SPIDR: variants seen among roughly 807,000 people sequenced by gnomAD.
The protein encoded by SPIDR is scaffold protein involved in DNA repair, also known as DNA repair-scaffolding protein.
Under a neutral mutation model 104.6 loss-of-function variants are expected in SPIDR, and 93 were observed. The ratio of observed to expected loss-of-function variants is 0.89; its 90% confidence interval spans 0.75 to 1.06. SPIDR has a LOEUF of 1.06. SPIDR is among the 50% of genes least tolerant of loss of function. The pLI is 0.00. For synonymous variants in SPIDR, 431 were observed against 416.9 expected (o/e 1.03, Z -0.41); for missense variants, 1,154 against 1,111.2 (o/e 1.04, Z -0.55).
chr8:47,545,133 T>TGTTG (rs1438538872), intron 8 of SPIDR, among the ~76,000 whole-genome samples: 1 of 141,190 alleles, frequency 7.1e-6, no homozygotes, highest in East Asian at 2.1e-4. Flanking sequence ...TTTTTTTTTT[T>TGTTG]TTGTTGAAAC....
chr8:47,702,934 C>G (rs1047636192), intron 14 of SPIDR, among the ~76,000 whole-genome samples: 1 of 152,226 alleles, frequency 6.6e-6, no homozygotes. Context: ...CAAGGGAGGG[C>G]AGGAGGCTGG....
intron 9 of SPIDR, among the ~76,000 whole-genome samples, chr8:47,597,527 CA>C (rs562282173): frequency 9.2e-5 from 14 of 152,296 alleles, no homozygotes; most frequent in Non-Finnish European, 1.5e-4. Context: ...AGACCACGGT[CA>C]AACATGCTGT....
intron 5 of SPIDR, among the ~76,000 whole-genome samples, chr8:47,373,029 TTTC>T (rs2058223627): frequency 6.6e-6 from 1 of 152,170 alleles, no homozygotes; most frequent in Non-Finnish European, 1.5e-5. Flanking sequence ...CAAGAATGTA[TTTC>T]TTAATTATGA....
At chr8:47,492,912 G>C (rs937219854) in intron 8 of SPIDR, among the ~76,000 whole-genome samples, 1 of 151,994 alleles carries the variant, frequency 6.6e-6, no homozygotes, top group Non-Finnish European at 1.5e-5. Flanking sequence ...ATTGTGCCTG[G>C]AGTATCTTGA....
chr8:47,402,723 C>CAA (rs144707312), intron 6 of SPIDR, among the ~76,000 whole-genome samples: 3 of 151,546 alleles, frequency 2.0e-5, no homozygotes, highest in African/African-American at 4.9e-5. Flanking sequence ...AGCCTACCAA[C>CAA]AAAAAAAAGT....
chr8:47,488,674 C>A (rs187768193), intron 8 of SPIDR, among the ~76,000 whole-genome samples: 1 of 152,074 alleles, frequency 6.6e-6, no homozygotes, highest in African/African-American at 2.4e-5. Context: ...GGCTTCATCC[C>A]GGGGATGCAA....
intron 8 of SPIDR, among the ~76,000 whole-genome samples, chr8:47,529,960 CACTT>C (rs1425626401): frequency 6.6e-6 from 1 of 152,120 alleles, no homozygotes; most frequent in Non-Finnish European, 1.5e-5. Flanking sequence ...AATCATATAT[CACTT>C]AATGATGGGG....
intron 10 of SPIDR, among the ~76,000 whole-genome samples, chr8:47,605,219 G>A (rs545137492): frequency 7.2e-5 from 11 of 152,346 alleles, no homozygotes; most frequent in South Asian, 6.2e-4. Flanking sequence ...ACCAGAGCTC[G>A]TGGCAAGCGC....
intron 8 of SPIDR, among the ~76,000 whole-genome samples, chr8:47,441,440 T>C (rs1182602910): frequency 6.6e-6 from 1 of 152,212 alleles, no homozygotes; most frequent in Non-Finnish European, 1.5e-5. Context: ...TTTATGTCCA[T>C]TGATAGCTTT....
chr8:47,586,326 A>G (rs976667386), intron 8 of SPIDR, among the ~76,000 whole-genome samples: 2 of 152,314 alleles, frequency 1.3e-5, no homozygotes, highest in Admixed American at 1.3e-4. Context: ...AAAAACTGCC[A>G]AACTTTTCCA....
chr8:47,446,137 C>T (rs548472276), intron 8 of SPIDR, among the ~76,000 whole-genome samples: 9 of 152,242 alleles, frequency 5.9e-5, no homozygotes, highest in African/African-American at 1.2e-4. Flanking sequence ...TCATAGCTGG[C>T]GAGGAAAAGT....
chr8:47,421,132 A>G (rs1275756158), intron 7 of SPIDR, among the ~76,000 whole-genome samples: 4 of 152,076 alleles, frequency 2.6e-5, no homozygotes, highest in African/African-American at 9.7e-5. Context: ...TGTTCTCTGT[A>G]TTTGCTGAAT....
intron 8 of SPIDR, among the ~76,000 whole-genome samples, chr8:47,515,679 T>G (rs748028736): frequency 4.6e-5 from 7 of 152,246 alleles, no homozygotes; most frequent in Non-Finnish European, 1.0e-4. Flanking sequence ...TGACCTGTTT[T>G]TCTATGCAGA....
At chr8:47,473,900 A>G (rs556335045) in intron 8 of SPIDR, among the ~76,000 whole-genome samples, 1 of 152,296 alleles carries the variant, frequency 6.6e-6, no homozygotes, top group Admixed American at 6.5e-5. Flanking sequence ...CTAAGATACA[A>G]ATGGTTGGAA....
intron 7 of SPIDR, among the ~76,000 whole-genome samples, chr8:47,424,738 A>G (rs2066141974): frequency 6.6e-6 from 1 of 152,218 alleles, no homozygotes; most frequent in Admixed American, 6.5e-5. Flanking sequence ...TTTCATGATG[A>G]AATTTTTTGG....
At chr8:47,617,482 T>A (rs1027872085) in intron 10 of SPIDR, among the ~76,000 whole-genome samples, 3 of 152,204 alleles carry the variant, frequency 2.0e-5, no homozygotes, top group Admixed American at 2.0e-4. Context: ...TTGCAGTGGA[T>A]AAATATATCA....
At chr8:47,735,118 GT>G (rs2086052634) in intron 19 of SPIDR, among the ~76,000 whole-genome samples, 188 bp from the exon 20 acceptor site, 5 of 138,984 alleles carry the variant, frequency 3.6e-5, no homozygotes, top group Non-Finnish European at 7.6e-5. Flanking sequence ...GTGGGTGTGT[GT>G]GTGTGTGTGT....
chr8:47,513,481 G>A (rs1238623821), intron 8 of SPIDR, among the ~76,000 whole-genome samples: 1 of 152,096 alleles, frequency 6.6e-6, no homozygotes, highest in Admixed American at 6.6e-5. Flanking sequence ...AGTAGATTTG[G>A]ACTCATTTTG....
At chr8:47,543,936 C>G (rs2154393715) in intron 8 of SPIDR, among the ~76,000 whole-genome samples, 1 of 152,246 alleles carries the variant, frequency 6.6e-6, no homozygotes, top group Non-Finnish European at 1.5e-5. Flanking sequence ...TCATCTGTTT[C>G]TTGTTTTCTG....
Sources: gnomAD v4.1 joint callset for allele counts (sites outside exome capture counted in the v4.1 genomes callset) on GRCh38, gnomAD v4.1.1 for gene constraint, MANE v1.5 for transcripts, NCBI Gene and HGNC (gene_info 2026-07-23, HGNC 2026-07-21) for gene names.